Variants in TAFA1 observed in about 807,000 individuals in gnomAD.
TAFA1 encodes TAFA chemokine like family member 1.
Under a neutral mutation model 18.5 loss-of-function variants are expected in TAFA1, and 4 were observed. The observed-to-expected ratio is 0.22, with a 90% CI of 0.11 to 0.49. The LOEUF is 0.49. Ranked by LOEUF, TAFA1 falls within the 20% of genes least tolerant of loss-of-function variation. TAFA1 has a pLI of 0.98. For synonymous variants in TAFA1, 56 were observed against 55.2 expected (o/e 1.01, Z -0.06); for missense variants, 147 against 169.0 (o/e 0.87, Z 0.72).
At chr3:68,435,854 T>A (rs2071258642) in intron 3 of TAFA1, among the ~76,000 whole-genome samples, 1 of 152,166 alleles carries the variant, frequency 6.6e-6, no homozygotes, top group Non-Finnish European at 1.5e-5. Context: ...AACAGGCCCT[T>A]CATATAAGGG....
intron 2 of TAFA1, among the ~76,000 whole-genome samples, chr3:68,050,005 C>T (rs540878134): frequency 6.6e-6 from 1 of 152,192 alleles, no homozygotes; most frequent in Non-Finnish European, 1.5e-5. Context: ...TGTCCTGGCT[C>T]ACATCTCCAA....
At chr3:68,468,023 A>T (rs1261596778) in intron 3 of TAFA1, among the ~76,000 whole-genome samples, 8 of 152,216 alleles carry the variant, frequency 5.3e-5, no homozygotes, top group African/African-American at 1.9e-4. Flanking sequence ...CTTTACTGTG[A>T]TGTCAAGATA....
chr3:68,060,094 CA>C (rs2106723272), intron 2 of TAFA1, among the ~76,000 whole-genome samples: 1 of 152,106 alleles, frequency 6.6e-6, no homozygotes, highest in African/African-American at 2.4e-5. Context: ...CACACACGCA[CA>C]AAAAACTGGG....
intron 2 of TAFA1, among the ~76,000 whole-genome samples, chr3:68,107,344 TAGC>T (rs1559522581): frequency 6.6e-6 from 1 of 152,142 alleles, no homozygotes; most frequent in East Asian, 1.9e-4. Context: ...TTAATGTTAA[TAGC>T]AGTTTTATTC....
At chr3:68,103,471 GA>G (rs2065171740) in intron 2 of TAFA1, among the ~76,000 whole-genome samples, 1 of 152,138 alleles carries the variant, frequency 6.6e-6, no homozygotes, top group Admixed American at 6.6e-5. Flanking sequence ...TATTAAAGGG[GA>G]AAATACATCT....
intron 3 of TAFA1, among the ~76,000 whole-genome samples, chr3:68,468,874 T>C (rs2106941929): frequency 6.6e-6 from 1 of 152,372 alleles, no homozygotes; most frequent in Non-Finnish European, 1.5e-5. Flanking sequence ...GCTGTCTGCA[T>C]GACTTTAGAA....
At chr3:68,071,854 T>C (rs1575601199) in intron 2 of TAFA1, among the ~76,000 whole-genome samples, 1 of 151,764 alleles carries the variant, frequency 6.6e-6, no homozygotes, top group East Asian at 2.0e-4. Context: ...AATGACCAGA[T>C]CTTAGGAGAA....
At chr3:68,541,005 A>G (rs1286693178) in intron 4 of TAFA1, among the ~76,000 whole-genome samples, 1 of 152,170 alleles carries the variant, frequency 6.6e-6, no homozygotes, top group Non-Finnish European at 1.5e-5. Context: ...GCTGAATTCA[A>G]CTCAAGCAGT....
intron 2 of TAFA1, among the ~76,000 whole-genome samples, chr3:68,095,673 T>C (rs1299743357): frequency 1.3e-5 from 2 of 152,166 alleles, no homozygotes; most frequent in African/African-American, 2.4e-5. Context: ...GTGGTGATGA[T>C]AGTGATGATA....
chr3:68,150,316 T>G (rs2065790530), intron 2 of TAFA1, among the ~76,000 whole-genome samples: 1 of 152,192 alleles, frequency 6.6e-6, no homozygotes, highest in African/African-American at 2.4e-5. Context: ...GTTGAGTAAT[T>G]GGTTAAAAAT....
chr3:68,199,555 C>T (rs2066449304), intron 2 of TAFA1, among the ~76,000 whole-genome samples: 1 of 151,248 alleles, frequency 6.6e-6, no homozygotes, highest in South Asian at 2.1e-4. Context: ...TAAAGTTTTC[C>T]TCATATAAAG....
Position 68,451,708 on chromosome 3 carries a change from C to G in TAFA1, c.259+34288C>G, listed in dbSNP as rs561315198. Among the ~76,000 whole-genome samples, 2 of 152,266 alleles carry G rather than the reference C, an allele frequency of 1.3e-5. 1 individual carries two copies. Among genetic ancestry groups the G allele is most frequent in the African/African-American group, 4.8e-5 (2 of 41,550 alleles). On this transcript the variant is annotated intron_variant, in intron 3 of 4. Coordinates refer to ENST00000478136, the MANE Select transcript of TAFA1 (RefSeq NM_213609.4). ...GAGAAGACACTGGACAGAAAGACAA[C>G]AAGACCAAACTGACAGATGAGACTC...
chr3:68,443,497 CAAAA>C (rs1229988998), intron 3 of TAFA1, among the ~76,000 whole-genome samples: 1 of 122,846 alleles, frequency 8.1e-6, no homozygotes, highest in South Asian at 2.7e-4. Flanking sequence ...AAAAAAAAAA[CAAAA>C]AAAAAGAGGT....
At position 68,294,870 on chromosome 3, in the gene TAFA1, G is replaced by A. The variant is rs192051763; in HGVS notation, c.119-122410G>A. Among the ~76,000 whole-genome samples the A allele has an allele frequency of 3.4e-3, 515 of 152,160 alleles. 4 individuals carry two copies. Among genetic ancestry groups the A allele is most frequent in the African/African-American group, 0.012 (494 of 41,522 alleles). On this transcript the variant is annotated intron_variant, in intron 2 of 4. Transcript: ENST00000478136. ...CCAGCCTGGGCAACAGAGAGAGATC[G>A]TGTCTCAATTAAAAAAAGAAAAAAT...
intron 2 of TAFA1, among the ~76,000 whole-genome samples, chr3:68,232,073 A>C (rs942077877): frequency 1.3e-5 from 2 of 152,172 alleles, no homozygotes; most frequent in African/African-American, 4.8e-5. Context: ...TGCTGTGAAC[A>C]TTCAAACTCT....
At chr3:68,443,473 C>CAAAAAAAAA (rs56944130) in intron 3 of TAFA1, among the ~76,000 whole-genome samples, 4 of 96,122 alleles carry the variant, frequency 4.2e-5, no homozygotes, top group Non-Finnish European at 6.6e-5. Context: ...GGGCAATTTA[C>CAAAAAAAAA]AAAAAAAAAA....
chr3:68,032,231 A>G (rs1704950241), intron 2 of TAFA1, among the ~76,000 whole-genome samples: 1 of 152,214 alleles, frequency 6.6e-6, no homozygotes. Flanking sequence ...CTTAAAATAT[A>G]GACAAACATT....
At chr3:68,066,070 G>C (rs1051380975) in intron 2 of TAFA1, among the ~76,000 whole-genome samples, 1 of 152,114 alleles carries the variant, frequency 6.6e-6, no homozygotes, top group African/African-American at 2.4e-5. Flanking sequence ...AGTTACTTGG[G>C]AGGGGGTTGG....
In TAFA1 at chr3:68,318,920, T is replaced by C. The variant is rs7617139; in HGVS notation, c.119-98360T>C. On this transcript the variant is annotated intron_variant, in intron 2 of 4. Coordinates refer to ENST00000478136, the MANE Select transcript of TAFA1 (RefSeq NM_213609.4). ...TTAAATTCATAACTAGAAACAGAAT[T>C]CATAACACTAATAAACATCCATTTT... 3.6e-3 allele frequency among the ~76,000 whole-genome samples: 552 copies of C among 152,248 alleles called. 4 individuals are homozygous for C. Among genetic ancestry groups the C allele is most frequent in the African/African-American group, 0.013 (530 of 41,542 alleles).
Sources: allele counts gnomAD v4.1 joint callset (sites outside exome capture counted in the v4.1 genomes callset), GRCh38; gene constraint gnomAD v4.1.1; transcripts MANE v1.5; gene names NCBI Gene and HGNC (gene_info 2026-07-23, HGNC 2026-07-21).